Variants in EFCAB8 observed in about 807,000 individuals in gnomAD.
EFCAB8 encodes the protein EF-hand calcium binding domain 8, also known as EF-hand calcium-binding domain-containing protein 8.
EFCAB8 carries 100 observed loss-of-function variants against 116.3 expected under a neutral mutation model. The ratio of observed to expected loss-of-function variants is 0.86; its 90% CI spans 0.73 to 1.02. The LOEUF is 1.02. Ranked by LOEUF, EFCAB8 falls within the 50% of genes least tolerant of loss-of-function variation. The pLI, the probability that EFCAB8 is intolerant of heterozygous loss-of-function variation, is 0.00. For synonymous variants in EFCAB8, 558 were observed against 567.9 expected (o/e 0.98, Z 0.25); for missense variants, 1,320 against 1,416.9 (o/e 0.93, Z 1.10).
chr20:32,956,444 T>G (rs1378685015), intron 23 of EFCAB8, among the ~76,000 whole-genome samples: 7 of 152,186 alleles, frequency 4.6e-5, no homozygotes, highest in Admixed American at 4.6e-4. Context: ...CACTAATAAA[T>G]TCTCAGATTA....
At chr20:32,951,901 T>C (rs993297241) in intron 23 of EFCAB8, among the ~76,000 whole-genome samples, 1 of 152,202 alleles carries the variant, frequency 6.6e-6, no homozygotes, top group Admixed American at 6.5e-5. Flanking sequence ...TGATCAGATA[T>C]GAGGTTTTGA....
At chr20:32,914,882 CTT>C (rs1283629385) in intron 17 of EFCAB8, among the ~76,000 whole-genome samples, 1 of 150,628 alleles carries the variant, frequency 6.6e-6, no homozygotes, top group East Asian at 1.9e-4. Flanking sequence ...TAGGATGAAT[CTT>C]TTAAGTTCTG....
intron 23 of EFCAB8, among the ~76,000 whole-genome samples, chr20:32,944,838 G>A (rs915201007): frequency 1.3e-5 from 2 of 151,836 alleles, no homozygotes; most frequent in Admixed American, 6.6e-5. Context: ...CTTGAATATA[G>A]GTTTCTTTTC....
chr20:32,957,416 TA>T (rs1989005334), intron 23 of EFCAB8, among the ~76,000 whole-genome samples: 1 of 152,118 alleles, frequency 6.6e-6, no homozygotes, highest in Non-Finnish European at 1.5e-5. Context: ...CTTTCCTCTG[TA>T]TAGGGCTGAG....
intron 23 of EFCAB8, among the ~76,000 whole-genome samples, chr20:32,946,040 T>C (rs1236288941): frequency 6.6e-6 from 1 of 152,180 alleles, no homozygotes; most frequent in Non-Finnish European, 1.5e-5. Context: ...ACATTGGATA[T>C]GTATGCTCCA....
intron 24 of EFCAB8, among the ~76,000 whole-genome samples, chr20:32,959,420 A>G (rs768063296): frequency 1.3e-5 from 2 of 152,220 alleles, no homozygotes; most frequent in African/African-American, 2.4e-5. Context: ...ACATCTTGAC[A>G]GTACAGTGGA....
chr20:32,921,490 A>G (rs1261530241), intron 20 of EFCAB8, among the ~76,000 whole-genome samples: 1 of 152,072 alleles, frequency 6.6e-6, no homozygotes, highest in Non-Finnish European at 1.5e-5. Flanking sequence ...TGTTGGGATT[A>G]CAGATGTGAA....
intron 2 of EFCAB8, among the ~76,000 whole-genome samples, chr20:32,866,648 C>G (rs73904058): frequency 1.9e-3 from 284 of 152,168 alleles, no homozygotes; most frequent in African/African-American, 6.5e-3. Flanking sequence ...GTGAGCTCAT[C>G]TGACCGAGAT....
At chr20:32,901,047 A>G (rs1986403452) in intron 11 of EFCAB8, among the ~76,000 whole-genome samples, 1 of 152,208 alleles carries the variant, frequency 6.6e-6, no homozygotes. Flanking sequence ...ACATTTCTAG[A>G]CAAGTCCTGG....
intron 5 of EFCAB8, among the ~76,000 whole-genome samples, chr20:32,883,122 C>T (rs1201908945): frequency 2.6e-5 from 4 of 152,140 alleles, no homozygotes; most frequent in African/African-American, 9.6e-5. Flanking sequence ...TGAGTCATTG[C>T]GCCTGGCCAA....
At chr20:32,917,125 T>C (rs1406615396) in intron 17 of EFCAB8, 176 bp from the exon 18 acceptor site, 2 of 596,908 alleles carry the variant, frequency 3.4e-6, no homozygotes, top group East Asian at 5.6e-5. Flanking sequence ...GTAGAAAGCA[T>C]GTAGTAAGCG....
chr20:32,960,736 A>G (rs552982172), intron 26 of EFCAB8, among the ~76,000 whole-genome samples: 1 of 152,150 alleles, frequency 6.6e-6, no homozygotes, highest in South Asian at 2.1e-4. Flanking sequence ...AATAAATGAG[A>G]TAACACCGAA....
At chr20:32,879,058 A>G (rs1013708013) in intron 5 of EFCAB8, among the ~76,000 whole-genome samples, 2 of 152,226 alleles carry the variant, frequency 1.3e-5, no homozygotes, top group Non-Finnish European at 2.9e-5. Context: ...GGCTGGCCCC[A>G]GGCCAATAGG....
intron 23 of EFCAB8, among the ~76,000 whole-genome samples, chr20:32,950,059 A>G (rs1320684522): frequency 6.6e-6 from 1 of 152,212 alleles, no homozygotes; most frequent in Non-Finnish European, 1.5e-5. Context: ...ATAGAACTAA[A>G]GGCAAAAGTT....
chr20:32,931,249 C>T lies in EFCAB8; in HGVS notation c.2703C>T (p.Val901=), dbSNP rs143557902. ...QPFQSSGAKV[V]SEAHNKFRLL... ...TCCAATCCAGTGGGGCCAAGGTTGT[C>T]TCTGAAGCACACAACAAGTTCCGGT... The change falls in exon 22 of 27, where the codon GTC becomes GTT. Residue 901 remains valine, a synonymous_variant. Transcript: ENST00000400522. 8.5e-5 allele frequency: 132 copies of T among 1,551,562 alleles called. 1 individual carries two copies. The African/African-American group carries it at 1.7e-3, about 20-fold the overall frequency.
rs1195522495 is a variant in EFCAB8 at position 32,960,049 on chromosome 20, C to T, written c.3295-14C>T. On this transcript the variant is annotated splice_polypyrimidine_tract_variant and intron_variant, in intron 25 of 26. Coordinates refer to ENST00000400522, the MANE Select transcript of EFCAB8 (RefSeq NM_001143967.2). The stretch of plus-strand genomic sequence containing the variant: ...CCAACTCGCAGCCTTCATTCTTGGG[C>T]GTGGCTCCTGCAGGTGAGCAAAGTC... The T allele has an allele frequency of 1.2e-5, 19 of 1,551,508 alleles. No individual in the cohort carries two copies. Among genetic ancestry groups the T allele is most frequent in the Middle Eastern group, 3.3e-4 (2 of 6,014 alleles).
chr20:32,959,600 C>T (rs1179035805), intron 24 of EFCAB8, among the ~76,000 whole-genome samples, 178 bp from the exon 25 acceptor site: 1 of 152,108 alleles, frequency 6.6e-6, no homozygotes, highest in Non-Finnish European at 1.5e-5. Flanking sequence ...TGGATCCAGG[C>T]TTTGCAAATG....
rs1984949255 is a variant in EFCAB8, at chr20:32,875,962, A to G, written c.245A>G (p.Lys82Arg). The G allele has an allele frequency of 6.4e-7, 1 of 1,551,938 alleles. No individual in the cohort carries two copies. The highest frequency in any genetic ancestry group is 8.7e-7 in the Non-Finnish European group (1 of 1,147,054). Residue 82 changes from lysine (K) to arginine (R), a missense_variant, in exon 4 of 27, where the codon AAG (lysine) becomes AGG (arginine). By Grantham distance (26) the Lys-to-Arg change is conservative (BLOSUM62 2). Coordinates refer to ENST00000400522, the MANE Select transcript of EFCAB8 (RefSeq NM_001143967.2). ...GACGCCTTCATCAAGGCCATGAAGA[A>G]GGTTCTGAGCAGTGTGTCGGACGAG... is the stretch of plus-strand genomic sequence containing the variant. Reference protein sequence around the residue: ...GMDAFIKAMKKVLSSVSDEML... With the variant: ...GMDAFIKAMKRVLSSVSDEML...
intron 3 of EFCAB8, 66 bp downstream of exon 3, chr20:32,867,813 G>A: frequency 6.7e-7 from 1 of 1,490,358 alleles, no homozygotes; most frequent in South Asian, 1.3e-5. Flanking sequence ...GAGTACCTGG[G>A]GTGTGTGGAG....
Sources: allele counts gnomAD v4.1 joint callset (sites outside exome capture counted in the v4.1 genomes callset), GRCh38; gene constraint gnomAD v4.1.1; transcripts MANE v1.5; gene names NCBI Gene and HGNC (gene_info 2026-07-23, HGNC 2026-07-21).